The following DLGAP1 variants were observed in gnomAD, a reference collection of about 807,000 sequenced individuals.
DLGAP1 encodes the protein DLG associated protein 1, also known as disks large-associated protein 1.
Under a neutral mutation model 90.8 loss-of-function variants are expected in DLGAP1, and 11 were observed. The observed-to-expected ratio is 0.12, with a 90% CI of 0.08 to 0.20. The LOEUF (loss-of-function observed/expected upper bound fraction) is 0.20. Among genes scored for constraint, DLGAP1 ranks in the 10% least tolerant of loss-of-function variants. The pLI, the probability that DLGAP1 is intolerant of heterozygous loss-of-function variation, is 1.00. For missense variants in DLGAP1, 1,050 were observed against 1,333.8 expected, an observed-to-expected ratio of 0.79 and a Z score of 3.31; for synonymous variants, 558 against 540.7, an observed-to-expected ratio of 1.03 and a Z score of -0.44.
In DLGAP1 at chr18:4,332,346, T is replaced by C. The variant is rs971427473; in HGVS notation, c.-267+122660A>G. ...GTCATATTATCTGAAAGTAAAATTATGGATTTATTATTTCAGTAAAGAGGA... is the reference window on the plus strand; with the variant it reads ...GTCATATTATCTGAAAGTAAAATTACGGATTTATTATTTCAGTAAAGAGGA... On this transcript the variant is annotated intron_variant, in intron 1 of 12. Transcript: ENST00000315677. Among the ~76,000 whole-genome samples, 4 of 152,052 alleles carry C rather than the reference T, an allele frequency of 2.6e-5. 1 individual carries two copies. The highest frequency in any genetic ancestry group is 4.4e-5 in the Non-Finnish European group (3 of 68,030).
chr18:3,557,354 T>C (rs1284069879), intron 9 of DLGAP1, among the ~76,000 whole-genome samples: 1 of 152,114 alleles, frequency 6.6e-6, no homozygotes. Context: ...ACTCCGTCTC[T>C]ACTAAAAAAA....
chr18:4,415,369 T>C (rs1598385626), intron 1 of DLGAP1, among the ~76,000 whole-genome samples: 1 of 152,204 alleles, frequency 6.6e-6, no homozygotes, highest in African/African-American at 2.4e-5. Flanking sequence ...AAATAAAAGC[T>C]ACAAAAATAT....
chr18:3,505,767 G>A (rs944233922), intron 11 of DLGAP1, among the ~76,000 whole-genome samples: 1 of 151,960 alleles, frequency 6.6e-6, no homozygotes, highest in Non-Finnish European at 1.5e-5. Context: ...TTTTTCTGGA[G>A]GGGCCTGGTT....
At chr18:3,989,835 C>A (rs2149047953) in intron 3 of DLGAP1, among the ~76,000 whole-genome samples, 1 of 152,220 alleles carries the variant, frequency 6.6e-6, no homozygotes, top group African/African-American at 2.4e-5. Context: ...TATGAACAGA[C>A]ACTTCTCAAA....
intron 1 of DLGAP1, among the ~76,000 whole-genome samples, chr18:4,246,242 A>G (rs2078650574): frequency 6.6e-6 from 1 of 152,202 alleles, no homozygotes; most frequent in Non-Finnish European, 1.5e-5. Flanking sequence ...GAAATTTTCT[A>G]ACTGATATTT....
At chr18:3,600,715 G>GATATAGAGAGATAGATATATATAGAT (rs2056857780) in intron 7 of DLGAP1, among the ~76,000 whole-genome samples, 1 of 64,434 alleles carries the variant, frequency 1.6e-5, no homozygotes, top group South Asian at 4.4e-4. Context: ...TAGCTATATA[G>GATATAGAGAGATAGATATATATAGAT]ATATAGAGAT....
chr18:3,543,372 A>G lies in DLGAP1; in HGVS notation c.2058-8757T>C, dbSNP rs187844857. Among the ~76,000 whole-genome samples, 59 of 152,118 alleles carry G rather than the reference A, an allele frequency of 3.9e-4. No homozygotes were observed. In the East Asian group the frequency reaches 0.01, roughly 26 times the overall value. On this transcript the variant is annotated intron_variant, in intron 9 of 12. Coordinates refer to ENST00000315677, the MANE Select transcript of DLGAP1 (RefSeq NM_004746.4). The stretch of plus-strand genomic sequence containing the variant: ...TTTTTAGACGGGGTTTCACCCTGTT[A>G]GCCAGGATGGTCTCGATCTCCTGAC...
intron 9 of DLGAP1, among the ~76,000 whole-genome samples, chr18:3,537,554 A>G (rs922515190): frequency 6.6e-6 from 1 of 152,192 alleles, no homozygotes; most frequent in South Asian, 2.1e-4. Flanking sequence ...GCTATTGTGA[A>G]TAATGCTGCT....
At chr18:4,369,663 G>A (rs79914306) in intron 1 of DLGAP1, among the ~76,000 whole-genome samples, 5,898 of 151,768 alleles carry the variant, frequency 0.039, 349 homozygotes, top group African/African-American at 0.13. Context: ...CCAGGCTCTC[G>A]GGGAATAAAG....
At chr18:4,081,371 C>CA (rs1266566622) in intron 2 of DLGAP1, among the ~76,000 whole-genome samples, 1 of 151,676 alleles carries the variant, frequency 6.6e-6, no homozygotes, top group East Asian at 1.9e-4. Context: ...AACAAACCTT[C>CA]AGAGGGGCCA....
chr18:3,628,168 G>C (rs140819858), intron 7 of DLGAP1, among the ~76,000 whole-genome samples: 21 of 148,660 alleles, frequency 1.4e-4, no homozygotes, highest in African/African-American at 5.2e-4. Context: ...GAGCCACTGC[G>C]CCTGGCCTTG....
intron 1 of DLGAP1, among the ~76,000 whole-genome samples, chr18:4,453,087 T>C (rs1164750225): frequency 6.6e-6 from 1 of 152,278 alleles, no homozygotes; most frequent in East Asian, 1.9e-4. Flanking sequence ...ATTAGTTTTT[T>C]AAAAATTCAC....
chr18:3,936,104 G>T (rs2148938070), intron 3 of DLGAP1, among the ~76,000 whole-genome samples: 1 of 152,226 alleles, frequency 6.6e-6, no homozygotes, highest in Non-Finnish European at 1.5e-5. Flanking sequence ...AGGGGTACAG[G>T]CTGAACCCCC....
chr18:3,545,171 G>A (rs1408966701), intron 9 of DLGAP1, among the ~76,000 whole-genome samples: 1 of 152,002 alleles, frequency 6.6e-6, no homozygotes, highest in Admixed American at 6.6e-5. Flanking sequence ...CTACTCTGGA[G>A]GCCAAGGCAG....
chr18:4,339,957 A>T (rs1230086211), intron 1 of DLGAP1, among the ~76,000 whole-genome samples: 1 of 152,022 alleles, frequency 6.6e-6, no homozygotes, highest in Non-Finnish European at 1.5e-5. Flanking sequence ...TAAACCCTTA[A>T]CTCTCTTATA....
intron 7 of DLGAP1, among the ~76,000 whole-genome samples, chr18:3,658,954 G>T (rs1416801431): frequency 2.0e-5 from 3 of 152,126 alleles, no homozygotes; most frequent in Non-Finnish European, 4.4e-5. Flanking sequence ...TTACTGAGTT[G>T]GGGAAACAAG....
At chr18:4,155,578 A>C (rs887099153) in intron 1 of DLGAP1, among the ~76,000 whole-genome samples, 2 of 152,188 alleles carry the variant, frequency 1.3e-5, no homozygotes, top group Non-Finnish European at 1.5e-5. Flanking sequence ...GTAGTGAATA[A>C]GGAATTCATT....
intron 2 of DLGAP1, among the ~76,000 whole-genome samples, chr18:4,134,208 G>C (rs9957929): frequency 0.19 from 29,061 of 151,740 alleles, 2,998 homozygotes; most frequent in African/African-American, 0.24. Context: ...AGAAACACCC[G>C]TGTTCTCCTG....
intron 10 of DLGAP1, among the ~76,000 whole-genome samples, chr18:3,520,601 AG>A (rs1319197239): frequency 6.6e-6 from 1 of 152,148 alleles, no homozygotes; most frequent in Non-Finnish European, 1.5e-5. Context: ...ACACACACAG[AG>A]GGGAGAATCA....
Sources: gnomAD v4.1 joint callset for allele counts (sites outside exome capture counted in the v4.1 genomes callset) on GRCh38, gnomAD v4.1.1 for gene constraint, MANE v1.5 for transcripts, NCBI Gene and HGNC (gene_info 2026-07-23, HGNC 2026-07-21) for gene names.